BAALC: variants seen among roughly 807,000 people sequenced by gnomAD.
The protein encoded by BAALC is brain and acute leukemia cytoplasmic protein.
A neutral mutation model predicts 15.5 loss-of-function variants in BAALC; 9 were observed. The observed-to-expected ratio is 0.58, with a 90% CI of 0.35 to 1.02. BAALC has a LOEUF of 1.02. Among genes scored for constraint, BAALC ranks in the 50% least tolerant of loss-of-function variants. The pLI is 0.02. For missense variants in BAALC, 201 were observed against 192.4 expected, an observed-to-expected ratio of 1.04 and a Z score of -0.27; for synonymous variants, 80 against 74.6, an observed-to-expected ratio of 1.07 and a Z score of -0.37.
intron 2 of BAALC, among the ~76,000 whole-genome samples, chr8:103,220,692 C>T (rs1055494712): frequency 6.6e-6 from 1 of 152,164 alleles, no homozygotes; most frequent in Non-Finnish European, 1.5e-5. Flanking sequence ...AATAACAGAG[C>T]CCTATGCTTC....
intron 1 of BAALC, among the ~76,000 whole-genome samples, chr8:103,168,695 C>T (rs1055206749): frequency 2.6e-5 from 4 of 152,052 alleles, no homozygotes; most frequent in African/African-American, 7.2e-5. Context: ...GGCTGCATAC[C>T]TCTTGGCCTT....
intron 2 of BAALC, among the ~76,000 whole-genome samples, chr8:103,219,756 A>G (rs1048622041): frequency 3.3e-5 from 5 of 152,214 alleles, no homozygotes; most frequent in Admixed American, 6.5e-5. Context: ...TTCACAAAGC[A>G]GCAGCAAATA....
chr8:103,198,392 ATTC>A (rs1300692492), intron 1 of BAALC, among the ~76,000 whole-genome samples: 4 of 152,164 alleles, frequency 2.6e-5, no homozygotes, highest in African/African-American at 7.2e-5. Flanking sequence ...CTTAAAAATC[ATTC>A]TTATTTCACG....
chr8:103,203,841 T>C (rs1250232537), intron 1 of BAALC, among the ~76,000 whole-genome samples: 1 of 152,236 alleles, frequency 6.6e-6, no homozygotes, highest in Non-Finnish European at 1.5e-5. Flanking sequence ...AATTGATGGA[T>C]ATTCGGGTTG....
intron 1 of BAALC, among the ~76,000 whole-genome samples, chr8:103,204,927 C>A (rs1294788111): frequency 6.6e-6 from 1 of 152,174 alleles, no homozygotes; most frequent in Non-Finnish European, 1.5e-5. Context: ...TTTACTTATA[C>A]CTCAGTTTAG....
intron 2 of BAALC, among the ~76,000 whole-genome samples, chr8:103,214,010 A>G (rs533652360): frequency 6.6e-6 from 1 of 152,332 alleles, no homozygotes; most frequent in African/African-American, 2.4e-5. Flanking sequence ...AGGGCTATCT[A>G]TGAGATAAAG....
At chr8:103,183,273 A>T in intron 1 of BAALC, 1 of 690,816 alleles carries the variant, frequency 1.4e-6, no homozygotes, top group Non-Finnish European at 2.7e-6. Flanking sequence ...AATCCCAAAG[A>T]TGATGGGAAG....
chr8:103,173,297 C>T, intron 1 of BAALC, among the ~76,000 whole-genome samples: 1 of 152,162 alleles, frequency 6.6e-6, no homozygotes, highest in Non-Finnish European at 1.5e-5. Flanking sequence ...ATTCTCTCAC[C>T]CTCTTCTGTA....
intron 1 of BAALC, among the ~76,000 whole-genome samples, chr8:103,200,264 G>C (rs1416513398): frequency 6.6e-6 from 1 of 152,198 alleles, no homozygotes; most frequent in Non-Finnish European, 1.5e-5. Flanking sequence ...ATGTAAATTT[G>C]TTCAGCCATT....
At chr8:103,175,635 G>T (rs1470636775) in intron 1 of BAALC, among the ~76,000 whole-genome samples, 1 of 152,218 alleles carries the variant, frequency 6.6e-6, no homozygotes, top group African/African-American at 2.4e-5. Context: ...TTTGAAGCAG[G>T]ATTGAATTAA....
intron 1 of BAALC, chr8:103,183,385 T>C: frequency 1.4e-6 from 1 of 703,002 alleles, no homozygotes; most frequent in Non-Finnish European, 2.6e-6. Flanking sequence ...CCTCTTGCCT[T>C]TGCACTTGCC....
rs1490500119 is a variant in BAALC at position 103,202,118 on chromosome 8, ATTTC to A, written c.161-10798_161-10795del. On this transcript the variant is annotated intron_variant, in intron 1 of 2. Transcript: ENST00000309982. ...GTACAGTTTTCTACATGAAACACCT[ATTTC>A]TTATGTGAGATCATAAATGTTATTT... Among the ~76,000 whole-genome samples, 11 of 152,296 alleles carry A rather than the reference ATTTC, an allele frequency of 7.2e-5. No homozygotes were observed. In the East Asian group the frequency reaches 2.1e-3, roughly 29 times the overall value.
chr8:103,213,412 G>C (rs1812495163), intron 2 of BAALC: 1 of 193,160 alleles, frequency 5.2e-6, no homozygotes, highest in Non-Finnish European at 1.1e-5. Flanking sequence ...CAGCTGGCCA[G>C]TCTCAGGGGT....
intron 1 of BAALC, chr8:103,166,377 A>G (rs539633356): frequency 1.6e-4 from 25 of 152,654 alleles, no homozygotes; most frequent in East Asian, 1.5e-3. Flanking sequence ...AGAGCCAAAG[A>G]GCCCTGTTTC....
chr8:103,140,757 G>T lies in BAALC; in HGVS notation c.-141G>T. On this transcript the variant is annotated 5_prime_UTR_variant, in exon 1 of 3. Coordinates refer to ENST00000309982, the MANE Select transcript of BAALC (RefSeq NM_024812.3). The surrounding 1 kb of genome is among the most constrained non-coding windows in gnomAD (Gnocchi z 4.2). ...GGGCGGCGGGCACCGCAGGAGCTCC[G>T]CGCGGCTGCAGCGCGGGCGGGAGCG... The T allele has an allele frequency of 7.2e-6, 5 of 692,184 alleles. No individual in the cohort carries two copies. Among genetic ancestry groups the T allele is most frequent in the Non-Finnish European group, 9.6e-6 (5 of 523,158 alleles). The allele number at this position is 692,184 out of a possible 1,614,324, so 42.9% of individuals were successfully genotyped here.
chr8:103,205,508 G>T (rs748572999), intron 1 of BAALC, among the ~76,000 whole-genome samples: 13 of 152,108 alleles, frequency 8.5e-5, no homozygotes, highest in South Asian at 2.1e-4. Context: ...AAACTAACAC[G>T]AGTGTTGATC....
intron 1 of BAALC, chr8:103,183,303 T>C (rs2129979621): frequency 2.9e-6 from 2 of 701,076 alleles, no homozygotes; most frequent in Non-Finnish European, 5.2e-6. Flanking sequence ...ACATGGAATG[T>C]CTTATTTCCC....
At chr8:103,174,994 G>T (rs996610729) in intron 1 of BAALC, among the ~76,000 whole-genome samples, 1 of 152,098 alleles carries the variant, frequency 6.6e-6, no homozygotes, top group Admixed American at 6.5e-5. Flanking sequence ...CATTTTCATT[G>T]CATGGAATTA....
intron 1 of BAALC, among the ~76,000 whole-genome samples, chr8:103,198,628 G>C (rs562160242): frequency 4.6e-5 from 7 of 152,058 alleles, no homozygotes; most frequent in Admixed American, 4.6e-4. Flanking sequence ...AGCTGGCCAG[G>C]CTCCATGGCT....
Sources: gnomAD v4.1 joint callset for allele counts (sites outside exome capture counted in the v4.1 genomes callset) on GRCh38, gnomAD v4.1.1 for gene constraint, Gnocchi (gnomAD v3.1) non-coding constraint, MANE v1.5 for transcripts, NCBI Gene and HGNC (gene_info 2026-07-23, HGNC 2026-07-21) for gene names.